PSD4: variants seen among roughly 807,000 people sequenced by gnomAD.
PSD4 encodes the protein PH and SEC7 domain-containing protein 4.
In PSD4, 59 loss-of-function variants were observed where a neutral mutation model predicts 112.5. The observed-to-expected ratio is 0.52, with a 90% CI of 0.43 to 0.65. The LOEUF (loss-of-function observed/expected upper bound fraction) is 0.65, where lower values mean the gene tolerates loss of function less well. Among genes scored for constraint, PSD4 ranks in the 30% least tolerant of loss-of-function variants. The pLI is 0.00. For missense variants in PSD4, 1,267 were observed against 1,352.6 expected, an observed-to-expected ratio of 0.94 and a Z score of 0.99; for synonymous variants, 533 against 540.0, an observed-to-expected ratio of 0.99 and a Z score of 0.18.
At chr2:113,186,388 G>A in intron 5 of PSD4, 133 bp downstream of exon 5, 2 of 996,588 alleles carry the variant, frequency 2.0e-6, no homozygotes, top group Non-Finnish European at 2.9e-6. Flanking sequence ...GATTATATGA[G>A]TGGGTACCAG....
chr2:113,191,561 C>T (rs184529641), intron 5 of PSD4, among the ~76,000 whole-genome samples: 51 of 152,310 alleles, frequency 3.3e-4, no homozygotes, highest in Non-Finnish European at 4.9e-4. Flanking sequence ...CTGAGTACTG[C>T]GCCCAGGCCC....
At position 113,192,366 on chromosome 2, in the gene PSD4, A is replaced by G; in HGVS notation, c.1629-14A>G. On this transcript the variant is annotated splice_polypyrimidine_tract_variant and intron_variant, in intron 5 of 16. Coordinates refer to ENST00000245796, the MANE Select transcript of PSD4 (RefSeq NM_012455.3). ...AGAACACTTGACCCAGAGCTCCTGC[A>G]TGTCTATCTCAAGTGAGAATCTGAG... 1 of 1,612,766 alleles carries G rather than the reference A, an allele frequency of 6.2e-7. No individual in the cohort carries two copies. Among genetic ancestry groups the G allele is most frequent in the Non-Finnish European group, 8.5e-7 (1 of 1,178,780 alleles).
At chr2:113,178,583 G>C (rs45512693) in intron 1 of PSD4, among the ~76,000 whole-genome samples, 4 of 152,110 alleles carry the variant, frequency 2.6e-5, no homozygotes, top group Non-Finnish European at 5.9e-5. Context: ...TGTGCAAAGA[G>C]AGACAAGTGG....
intron 16 of PSD4, 95 bp downstream of exon 16, chr2:113,199,321 C>G: frequency 7.9e-7 from 1 of 1,273,664 alleles, no homozygotes; most frequent in East Asian, 3.2e-5. Flanking sequence ...GCCCTGACCG[C>G]GCCGGGGCGG....
In PSD4 at chr2:113,182,905, C is replaced by T. The variant is rs201765820; in HGVS notation, c.449C>T (p.Thr150Met). The T allele has an allele frequency of 3.0e-4, 480 of 1,614,218 alleles. No homozygotes were observed. The highest frequency in any genetic ancestry group is 3.8e-4 in the Non-Finnish European group (450 of 1,180,036). Residue 150 changes from threonine to methionine, a missense_variant, in exon 2 of 17, where the codon ACG (threonine) becomes ATG (methionine). Thr to Met is a moderately conservative substitution (Grantham distance 81). Around this residue, in one of 2 missense-constraint regions of PSD4, gnomAD observed 723 missense variants for 704.0 expected, o/e 1.03. Transcript: ENST00000245796. ...GGGAGCCCAAAGCAGAACCGGAGCA[C>T]GTCCACACAGGTAGTGTTCTGGGCA... is the stretch of plus-strand genomic sequence containing the variant. The part of the protein sequence containing the change: ...LPGSPKQNRS[T>M]STQVVFWAGI...
Position 113,197,713 on chromosome 2 carries a change from G to C in PSD4, c.2458-34G>C, listed in dbSNP as rs1044320186. On this transcript the variant is annotated intron_variant, in intron 13 of 16. Transcript: ENST00000245796. ...ACAGTCTGGAGGGTGGGCAGCTGAT[G>C]ATAACCTCTTCTCTGAGCCCCTGTG... The C allele has an allele frequency of 1.1e-5, 17 of 1,609,114 alleles. No homozygotes were observed. The African/African-American group carries it at 2.1e-4, about 20-fold the overall frequency.
chr2:113,188,275 C>T (rs1035133781), intron 5 of PSD4, among the ~76,000 whole-genome samples: 1 of 152,058 alleles, frequency 6.6e-6, no homozygotes, highest in Non-Finnish European at 1.5e-5. Flanking sequence ...CAGAGTTTTG[C>T]TCTTGCTGCC....
At chr2:113,193,512 T>A in intron 8 of PSD4, 80 bp from the exon 9 acceptor site, 1 of 1,516,442 alleles carries the variant, frequency 6.6e-7, no homozygotes, top group South Asian at 1.1e-5. Flanking sequence ...GTTATTCGGT[T>A]ACCCCACGCA....
intron 12 of PSD4, 192 bp downstream of exon 12, chr2:113,196,499 T>C: frequency 6.0e-6 from 4 of 663,228 alleles, no homozygotes; most frequent in Non-Finnish European, 9.7e-6. Flanking sequence ...AGAGGGTAGG[T>C]AGGAGAACCC....
At chr2:113,195,638 C>T in intron 10 of PSD4, 89 bp from the exon 11 acceptor site, 1 of 1,454,470 alleles carries the variant, frequency 6.9e-7, no homozygotes, top group Non-Finnish European at 9.6e-7. Context: ...AGGCTGTACA[C>T]ATGCCCCTAT....
In PSD4 at chr2:113,206,993, TTG is replaced by T. The variant is rs1688871576; in HGVS notation, c.*5580_*5581del. On this transcript the variant is annotated 3_prime_UTR_variant, in exon 17 of 17. Transcript: ENST00000245796. ...TCTGATTCAAGGCCCCTTTTCTCTC[TTG>T]TTCTTTTGGGGGCTCCATCTCCCAG... The T allele has an allele frequency of 1.3e-5, 2 of 152,188 alleles. No homozygotes were observed. The highest frequency in any genetic ancestry group is 6.5e-5 in the Admixed American group (1 of 15,274). 9.4% of individuals were successfully genotyped at this position (152,188 alleles called of 1,614,324 possible). A position where few individuals can be genotyped will look rare whatever the true frequency, so the allele number is the denominator to read the frequency against.
Position 113,191,361 on chromosome 2 carries a change from C to T in PSD4, c.1629-1019C>T, listed in dbSNP as rs370843404. ...CACAATATCAGCTCACTGGAATTTC[C>T]GCCTCCTGGGTTCAAGTGATTCTCC... is the stretch of plus-strand genomic sequence containing the variant. On this transcript the variant is annotated intron_variant, in intron 5 of 16. Transcript: ENST00000245796. Among the ~76,000 whole-genome samples, 8 of 152,148 alleles carry T rather than the reference C, an allele frequency of 5.3e-5. No homozygotes were observed. The East Asian group carries it at 7.7e-4, about 15-fold the overall frequency.
rs754405162 is a variant in PSD4, at chr2:113,192,555, C to T, written c.1804C>T (p.Arg602Trp). ...ASRLYRLEGFRKSEVAAYLQK... is the reference protein window; with the variant it reads ...ASRLYRLEGFWKSEVAAYLQK... ...ACGCCTCTATCGCCTGGAGGGCTTC[C>T]GGAAGTCTGAAGTGGCTGCCTACCT... Residue 602 changes from arginine (R) to tryptophan (W), a missense_variant, in exon 6 of 17, where the codon CGG (arginine) becomes TGG (tryptophan). Arg to Trp is a moderately radical substitution (Grantham distance 101). Coordinates refer to ENST00000245796, the MANE Select transcript of PSD4 (RefSeq NM_012455.3). 1.1e-5 allele frequency: 17 copies of T among 1,614,038 alleles called. No homozygotes were observed. The highest frequency in any genetic ancestry group is 1.6e-4 in the Middle Eastern group (1 of 6,084).
In PSD4 at chr2:113,193,084, G is replaced by A. The variant is rs778742967; in HGVS notation, c.1875G>A (p.Leu625=). The A allele has an allele frequency of 6.2e-7, 1 of 1,614,070 alleles. No homozygotes were observed. The highest frequency in any genetic ancestry group is 8.5e-7 in the Non-Finnish European group (1 of 1,180,016). ...GCAGGGCTGTGGCTGAGGAGTACCT[G>A]TCCTTCTTCCAGTTTGGAGGCCAGA... ...DFSRAVAEEY[L]SFFQFGGQSL... Residue 625 remains leucine, a synonymous_variant, in exon 7 of 17, where the codon CTG becomes CTA. Coordinates refer to ENST00000245796, the MANE Select transcript of PSD4 (RefSeq NM_012455.3).
intron 10 of PSD4, among the ~76,000 whole-genome samples, chr2:113,195,207 C>T (rs558753588): frequency 2.0e-5 from 3 of 151,216 alleles, no homozygotes; most frequent in Admixed American, 1.3e-4. Flanking sequence ...TGCACTGTCG[C>T]GGGAGTGCAG....
Position 113,198,879 on chromosome 2 carries a change from T to A in PSD4, c.2764T>A (p.Ser922Thr). The A allele has an allele frequency of 6.3e-7, 1 of 1,586,778 alleles. No individual in the cohort carries two copies. The highest frequency in any genetic ancestry group is 8.5e-7 in the Non-Finnish European group (1 of 1,173,680). The change falls in exon 15 of 17, where the codon TCC becomes ACC. Residue 922 changes from serine (S) to threonine (T), a missense_variant. Coordinates refer to ENST00000245796, the MANE Select transcript of PSD4 (RefSeq NM_012455.3). ...PILPVGPAQS[S>T]LEEQHRSHEN... ...CCTGCCCGTGGGCCCCGCCCAGAGC[T>A]CCCTGGTACGGCCTCCGGGAAGGGG...
chr2:113,184,377 CTTTT>C (rs10610865), intron 2 of PSD4, among the ~76,000 whole-genome samples: 1 of 125,746 alleles, frequency 8.0e-6, no homozygotes, highest in Non-Finnish European at 1.6e-5. Context: ...TCAGGACTTT[CTTTT>C]TTTTTTTTTT....
chr2:113,204,498 C>G lies in PSD4; in HGVS notation c.*3083C>G, dbSNP rs556317488. 1 of 152,552 alleles carries G rather than the reference C, an allele frequency of 6.6e-6. No individual in the cohort carries two copies. Among genetic ancestry groups the G allele is most frequent in the African/African-American group, 2.4e-5 (1 of 41,602 alleles). 9.4% of individuals were successfully genotyped at this position (152,552 alleles called of 1,614,324 possible). A position where few individuals can be genotyped will look rare whatever the true frequency, so the allele number is the denominator to read the frequency against. On this transcript the variant is annotated 3_prime_UTR_variant, in exon 17 of 17. Transcript: ENST00000245796. ...GTTCCCACCCCATGCTCCTCTCCCA[C>G]CTGTGTCCTTCTCTTTGCAGGAGAA...
Position 113,201,309 on chromosome 2 carries a change from C to T in PSD4, c.3065C>T (p.Ser1022Phe). 1.2e-6 allele frequency: 2 copies of T among 1,614,208 alleles called. No individual in the cohort carries two copies. Among genetic ancestry groups the T allele is most frequent in the Non-Finnish European group, 1.7e-6 (2 of 1,180,032 alleles). ...CTGAAGAAGTCCCACTCGAGCCCGT[C>T]CCTGCACCAGGATGAGGCTCCCACC... ...LSLKKSHSSP[S>F]LHQDEAPTTA... The change falls in exon 17 of 17, where the codon TCC becomes TTC. Residue 1022 changes from serine to phenylalanine, a missense_variant. Coordinates refer to ENST00000245796, the MANE Select transcript of PSD4 (RefSeq NM_012455.3).
Sources: allele counts gnomAD v4.1 joint callset (sites outside exome capture counted in the v4.1 genomes callset), GRCh38; gene constraint gnomAD v4.1.1; regional missense constraint gnomAD v4.1.1; transcripts MANE v1.5; gene names NCBI Gene and HGNC (gene_info 2026-07-23, HGNC 2026-07-21).